The following SSBP2 variants were observed in gnomAD, a reference collection of about 807,000 sequenced individuals.
SSBP2 encodes the protein single stranded DNA binding protein 2.
SSBP2 carries 17 observed loss-of-function variants against 61.8 expected under a neutral mutation model. That is an observed-to-expected ratio of 0.28 (90% CI 0.19 to 0.41). The LOEUF (loss-of-function observed/expected upper bound fraction) is 0.41. SSBP2 is among the 10% of genes least tolerant of loss of function. The probability of loss-of-function intolerance (pLI) is 1.00; values close to 1 mark genes in which losing one functional copy is unlikely to be tolerated. For synonymous variants in SSBP2, 139 were observed against 141.3 expected (o/e 0.98, Z 0.12); for missense variants, 310 against 458.7 (o/e 0.68, Z 2.96).
intron 1 of SSBP2, among the ~76,000 whole-genome samples, chr5:81,718,811 A>G (rs185875731): frequency 1.3e-5 from 2 of 152,184 alleles, no homozygotes; most frequent in African/African-American, 4.8e-5. Flanking sequence ...GTCTTCCATG[A>G]TATTTAGCTA....
At chr5:81,598,509 T>C (rs1329417031) in intron 4 of SSBP2, among the ~76,000 whole-genome samples, 3 of 152,176 alleles carry the variant, frequency 2.0e-5, no homozygotes, top group African/African-American at 7.2e-5. Flanking sequence ...CTTTATATCA[T>C]TACTGTTTGG....
At chr5:81,726,625 A>G (rs559910189) in intron 1 of SSBP2, among the ~76,000 whole-genome samples, 146 of 152,276 alleles carry the variant, frequency 9.6e-4, no homozygotes, top group African/African-American at 3.2e-3. Context: ...TAAATTCTAT[A>G]TAGTTTATAT....
At chr5:81,549,224 C>T (rs1248161310) in intron 4 of SSBP2, among the ~76,000 whole-genome samples, 3 of 152,106 alleles carry the variant, frequency 2.0e-5, no homozygotes, top group African/African-American at 7.2e-5. Flanking sequence ...GAAATAAGTA[C>T]CATTAAAATA....
intron 4 of SSBP2, among the ~76,000 whole-genome samples, chr5:81,559,503 C>T (rs991310178): frequency 1.3e-5 from 2 of 151,414 alleles, no homozygotes; most frequent in East Asian, 1.9e-4. Context: ...TGCACCATGG[C>T]GCTCCAGCCT....
intron 1 of SSBP2, among the ~76,000 whole-genome samples, chr5:81,722,989 A>G (rs926342556): frequency 3.3e-5 from 5 of 151,926 alleles, no homozygotes; most frequent in Non-Finnish European, 4.4e-5. Flanking sequence ...TATTAACATG[A>G]TACTGTAATT....
In SSBP2 at chr5:81,416,598, C is replaced by A. The variant is rs1761319937; in HGVS notation, c.*3906G>T. 1 of 152,124 alleles carries A rather than the reference C, an allele frequency of 6.6e-6. No homozygotes were observed. Among genetic ancestry groups the A allele is most frequent in the South Asian group, 2.1e-4 (1 of 4,824 alleles). 9.4% of individuals were successfully genotyped at this position (152,124 alleles called of 1,614,324 possible). A position where few individuals can be genotyped will look rare whatever the true frequency, so the allele number is the denominator to read the frequency against. On this transcript the variant is annotated 3_prime_UTR_variant, in exon 17 of 17. Transcript: ENST00000320672. ...ATGCTTTGCTATACATTCCTAGGGACAATATGATGAAGAAAAGATATAGAC... is the reference window on the plus strand; with the variant it reads ...ATGCTTTGCTATACATTCCTAGGGAAAATATGATGAAGAAAAGATATAGAC...
chr5:81,634,233 C>T (rs1319134423), intron 3 of SSBP2, among the ~76,000 whole-genome samples: 1 of 152,194 alleles, frequency 6.6e-6, no homozygotes, highest in African/African-American at 2.4e-5. Flanking sequence ...AATTTGCTTT[C>T]CATAATTGCT....
At chr5:81,426,115 A>T (rs2153898776) in intron 16 of SSBP2, among the ~76,000 whole-genome samples, 2 of 152,322 alleles carry the variant, frequency 1.3e-5, no homozygotes, top group Middle Eastern at 3.4e-3. Context: ...AAGCTAACTT[A>T]TTGGGGATAA....
intron 4 of SSBP2, among the ~76,000 whole-genome samples, chr5:81,609,639 C>T (rs1467453969): frequency 6.6e-6 from 1 of 152,154 alleles, no homozygotes; most frequent in East Asian, 1.9e-4. Context: ...CACCTCCAAG[C>T]CAAAGACAGT....
intron 15 of SSBP2, among the ~76,000 whole-genome samples, chr5:81,433,592 TAAAAA>T (rs532034844): frequency 9.6e-6 from 1 of 104,006 alleles, no homozygotes; most frequent in East Asian, 2.7e-4. Flanking sequence ...GAATGATCAA[TAAAAA>T]AAAAAAAAAA....
At chr5:81,477,021 TTGTG>T (rs1156736716) in intron 6 of SSBP2, among the ~76,000 whole-genome samples, 3 of 151,992 alleles carry the variant, frequency 2.0e-5, no homozygotes, top group South Asian at 4.2e-4. Context: ...TGTATGTGTG[TTGTG>T]TGTGTGTAAC....
intron 4 of SSBP2, among the ~76,000 whole-genome samples, chr5:81,545,685 C>T (rs571185109): frequency 1.3e-5 from 2 of 152,144 alleles, no homozygotes; most frequent in Admixed American, 6.5e-5. Flanking sequence ...CTTTCAGGGG[C>T]GTAGCAGGTC....
intron 4 of SSBP2, among the ~76,000 whole-genome samples, chr5:81,606,999 G>A (rs1455460713): frequency 6.6e-6 from 1 of 152,138 alleles, no homozygotes; most frequent in African/African-American, 2.4e-5. Flanking sequence ...TTTGCATATG[G>A]AAAATATCCC....
chr5:81,631,211 A>C (rs1211051551), intron 3 of SSBP2, among the ~76,000 whole-genome samples: 1 of 152,182 alleles, frequency 6.6e-6, no homozygotes, highest in Non-Finnish European at 1.5e-5. Flanking sequence ...TCTGAACCAA[A>C]AGACCGCACC....
chr5:81,455,567 C>T (rs1213581412), intron 10 of SSBP2, among the ~76,000 whole-genome samples: 1 of 95,288 alleles, frequency 1.0e-5, no homozygotes, highest in Non-Finnish European at 1.8e-5. Flanking sequence ...TGCAGTGAGC[C>T]GAGATTGCGC....
intron 1 of SSBP2, among the ~76,000 whole-genome samples, chr5:81,709,963 T>G (rs900234890): frequency 4.1e-4 from 63 of 152,010 alleles, no homozygotes; most frequent in Non-Finnish European, 2.1e-4. Flanking sequence ...CAAATTCTTT[T>G]CAATACTTTT....
At chr5:81,429,312 T>C (rs2153908176) in intron 15 of SSBP2, among the ~76,000 whole-genome samples, 1 of 152,324 alleles carries the variant, frequency 6.6e-6, no homozygotes, top group East Asian at 1.9e-4. Context: ...CTATCATTAG[T>C]TTAAGAGTAG....
chr5:81,716,089 A>C (rs914982101), intron 1 of SSBP2, among the ~76,000 whole-genome samples: 3 of 151,904 alleles, frequency 2.0e-5, no homozygotes, highest in African/African-American at 7.3e-5. Flanking sequence ...CAAAAAAAAA[A>C]CAGGACAGGT....
chr5:81,699,478 T>C (rs1053605493), intron 1 of SSBP2, among the ~76,000 whole-genome samples: 9 of 152,364 alleles, frequency 5.9e-5, no homozygotes, highest in Non-Finnish European at 1.2e-4. Context: ...CAGAAGCAGA[T>C]TCTATCTCAA....
Sources: gnomAD v4.1 joint callset for allele counts (sites outside exome capture counted in the v4.1 genomes callset) on GRCh38, gnomAD v4.1.1 for gene constraint, MANE v1.5 for transcripts, NCBI Gene and HGNC (gene_info 2026-07-23, HGNC 2026-07-21) for gene names.